SYT1: variants seen among roughly 807,000 people sequenced by gnomAD.
SYT1 encodes the protein synaptotagmin-1.
Under a neutral mutation model 44.8 loss-of-function variants are expected in SYT1, and 8 were observed. The ratio of observed to expected loss-of-function variants is 0.18; its 90% CI spans 0.10 to 0.32. SYT1 has a LOEUF of 0.32. Among genes scored for constraint, SYT1 ranks in the 10% least tolerant of loss-of-function variants. SYT1 has a pLI of 1.00. For synonymous variants in SYT1, 154 were observed against 188.8 expected (o/e 0.82, Z 1.51); for missense variants, 286 against 509.3 (o/e 0.56, Z 4.22).
At chr12:79,271,619 T>C (rs1025432670) in intron 4 of SYT1, among the ~76,000 whole-genome samples, 17 of 152,178 alleles carry the variant, frequency 1.1e-4, no homozygotes, top group African/African-American at 4.1e-4. Flanking sequence ...GCCTTGCACA[T>C]AGTAGATGCT....
At chr12:79,016,930 G>A (rs1871845522) in intron 2 of SYT1, among the ~76,000 whole-genome samples, 2 of 152,056 alleles carry the variant, frequency 1.3e-5, no homozygotes, top group African/African-American at 4.8e-5. Flanking sequence ...ATGATTTTGG[G>A]CATTTTAAGA....
At chr12:79,428,525 G>A (rs1869582650) in intron 9 of SYT1, among the ~76,000 whole-genome samples, 1 of 152,164 alleles carries the variant, frequency 6.6e-6, no homozygotes, top group South Asian at 2.1e-4. Flanking sequence ...GGGAGCAGTG[G>A]TGAATAGCAC....
chr12:78,870,423 G>A (rs565580054), intron 1 of SYT1, among the ~76,000 whole-genome samples: 1 of 151,980 alleles, frequency 6.6e-6, no homozygotes, highest in African/African-American at 2.4e-5. Flanking sequence ...TTTTATCAAA[G>A]GGTATTATAT....
intron 9 of SYT1, among the ~76,000 whole-genome samples, chr12:79,365,433 A>G (rs1266782930): frequency 6.6e-6 from 1 of 152,078 alleles, no homozygotes; most frequent in Non-Finnish European, 1.5e-5. Context: ...ATAAATAGAA[A>G]AATAACATGC....
intron 4 of SYT1, among the ~76,000 whole-genome samples, chr12:79,263,681 G>A (rs1271030247): frequency 6.6e-6 from 1 of 152,074 alleles, no homozygotes; most frequent in Non-Finnish European, 1.5e-5. Flanking sequence ...GCAAAATACT[G>A]AATGAAGACA....
intron 8 of SYT1, among the ~76,000 whole-genome samples, chr12:79,300,983 T>C (rs537255322): frequency 1.8e-4 from 28 of 151,586 alleles, no homozygotes; most frequent in Admixed American, 5.3e-4. Flanking sequence ...CTAATAGTAA[T>C]GTTACAGACA....
chr12:79,211,263 T>G (rs576467039), intron 3 of SYT1, among the ~76,000 whole-genome samples: 1 of 152,308 alleles, frequency 6.6e-6, no homozygotes, highest in Non-Finnish European at 1.5e-5. Flanking sequence ...TTTTAGATAC[T>G]TTTTATAACA....
intron 3 of SYT1, among the ~76,000 whole-genome samples, chr12:79,049,174 T>G (rs1277010424): frequency 1.3e-5 from 2 of 152,076 alleles, no homozygotes; most frequent in South Asian, 4.1e-4. Context: ...ATAAGTTATT[T>G]GATCTATTGT....
rs372397850 is a variant in SYT1, at chr12:79,386,730, C to T, written c.928+33111C>T. ...TGTAACATCATAACGCTTTTCAAAA[C>T]GTCTCAGTGCCTGTTCCTGAAGTTA... is the stretch of plus-strand genomic sequence containing the variant. On this transcript the variant is annotated intron_variant, in intron 9 of 10. Transcript: ENST00000261205. 2.2e-4 allele frequency among the ~76,000 whole-genome samples: 33 copies of T among 152,302 alleles called. No individual in the cohort carries two copies. The South Asian group carries it at 5.6e-3, about 26-fold the overall frequency.
intron 9 of SYT1, among the ~76,000 whole-genome samples, chr12:79,382,276 G>A (rs1884254544): frequency 6.6e-6 from 1 of 152,166 alleles, no homozygotes; most frequent in Non-Finnish European, 1.5e-5. Context: ...TCCCTAGTGT[G>A]AAAGAGAGTG....
At chr12:78,985,624 T>A (rs182712255) in intron 2 of SYT1, among the ~76,000 whole-genome samples, 43 of 151,758 alleles carry the variant, frequency 2.8e-4, no homozygotes, top group Middle Eastern at 6.8e-3. Flanking sequence ...GATAACAAAT[T>A]CTTTATGTTC....
chr12:79,163,194 G>GC (rs1490865045), intron 3 of SYT1, among the ~76,000 whole-genome samples: 1 of 152,030 alleles, frequency 6.6e-6, no homozygotes, highest in Non-Finnish European at 1.5e-5. Context: ...CATCTATTTG[G>GC]CTGCTTCTGC....
chr12:79,165,912 T>C (rs992079368), intron 3 of SYT1, among the ~76,000 whole-genome samples: 7 of 152,052 alleles, frequency 4.6e-5, no homozygotes, highest in Non-Finnish European at 1.0e-4. Context: ...AGATCACCCA[T>C]GGAATTCAAT....
At chr12:78,940,213 T>G (rs936721399) in intron 1 of SYT1, among the ~76,000 whole-genome samples, 2 of 152,162 alleles carry the variant, frequency 1.3e-5, no homozygotes, top group Non-Finnish European at 2.9e-5. Flanking sequence ...TTAATTCTCT[T>G]TATTATTCTG....
At chr12:79,049,164 A>G (rs1006382897) in intron 3 of SYT1, among the ~76,000 whole-genome samples, 10 of 151,958 alleles carry the variant, frequency 6.6e-5, no homozygotes, top group Middle Eastern at 3.4e-3. Context: ...TGATTTATGT[A>G]TAAGTTATTT....
intron 4 of SYT1, among the ~76,000 whole-genome samples, chr12:79,246,577 T>C (rs543982748): frequency 2.5e-4 from 38 of 152,326 alleles, no homozygotes; most frequent in African/African-American, 8.4e-4. Flanking sequence ...TCTAAGATGG[T>C]GCCTTGAACA....
chr12:78,987,934 CA>C (rs962271089), intron 2 of SYT1, among the ~76,000 whole-genome samples: 1 of 151,980 alleles, frequency 6.6e-6, no homozygotes, highest in African/African-American at 2.4e-5. Context: ...AACTCCTCAA[CA>C]AAAGCCAGCC....
At chr12:79,300,149 A>G (rs1030699917) in intron 8 of SYT1, among the ~76,000 whole-genome samples, 1 of 152,142 alleles carries the variant, frequency 6.6e-6, no homozygotes, top group Admixed American at 6.6e-5. Flanking sequence ...AGTTTAGCCC[A>G]GTATTTTTCC....
At chr12:79,201,996 A>C (rs1390380270) in intron 3 of SYT1, among the ~76,000 whole-genome samples, 1 of 152,180 alleles carries the variant, frequency 6.6e-6, no homozygotes, top group Admixed American at 6.5e-5. Flanking sequence ...ATATCAGTGA[A>C]ATTATAGTAT....
Sources: gnomAD v4.1 joint callset for allele counts (sites outside exome capture counted in the v4.1 genomes callset) on GRCh38, gnomAD v4.1.1 for gene constraint, MANE v1.5 for transcripts, NCBI Gene and HGNC (gene_info 2026-07-23, HGNC 2026-07-21) for gene names.